NTRK2: variants seen among roughly 807,000 people sequenced by gnomAD.
NTRK2 encodes the protein BDNF/NT-3 growth factors receptor.
NTRK2 carries 13 observed loss-of-function variants against 94.5 expected under a neutral mutation model. The ratio of observed to expected loss-of-function variants is 0.14; its 90% CI spans 0.09 to 0.22. The LOEUF is 0.22. Among genes scored for constraint, NTRK2 ranks in the 10% least tolerant of loss-of-function variants. The pLI is 1.00. For synonymous variants in NTRK2, 372 were observed against 407.4 expected (o/e 0.91, Z 1.05); for missense variants, 639 against 1,071.2 (o/e 0.60, Z 5.63).
intron 12 of NTRK2, among the ~76,000 whole-genome samples, chr9:84,823,593 G>A (rs528528266): frequency 1.9e-4 from 29 of 152,350 alleles, no homozygotes; most frequent in African/African-American, 6.3e-4. Context: ...TCAGTAGCTG[G>A]GGTGGAGGAG....
chr9:84,797,744 A>ATATATATTATATATACTATAATATATAT (rs2069685429), intron 12 of NTRK2, among the ~76,000 whole-genome samples: 5 of 11,216 alleles, frequency 4.5e-4, no homozygotes, highest in African/African-American at 1.3e-3. Context: ...ATATACTATA[A>ATATATATTATATATACTATAATATATAT]TATATATTAT....
At chr9:84,982,749 C>T (rs1007857173) in intron 17 of NTRK2, among the ~76,000 whole-genome samples, 1 of 152,174 alleles carries the variant, frequency 6.6e-6, no homozygotes, top group African/African-American at 2.4e-5. Flanking sequence ...AACTGTTTGA[C>T]GTTCACCTGA....
At chr9:84,973,367 C>T (rs1458653060) in intron 17 of NTRK2, among the ~76,000 whole-genome samples, 1 of 152,196 alleles carries the variant, frequency 6.6e-6, no homozygotes, top group African/African-American at 2.4e-5. Context: ...CAAGGACACA[C>T]TTGGCCATAA....
rs568063676 is a variant in NTRK2, at chr9:84,877,215, G to A, written c.1633+9784G>A. ...ATTTGAGTCTAATGGCTGATTCATC[G>A]GCATAGTTCTTGGCGTTAACATCTC... On this transcript the variant is annotated intron_variant, in intron 14 of 18. Coordinates refer to ENST00000277120, the MANE Select transcript of NTRK2 (RefSeq NM_006180.6). 25 of 1,065,130 alleles carry A rather than the reference G, an allele frequency of 2.3e-5. 1 individual carries two copies. The highest frequency in any genetic ancestry group is 1.6e-4 in the Admixed American group (3 of 18,716). The allele number at this position is 1,065,130 out of a possible 1,614,324, so 66.0% of individuals were successfully genotyped here. A position where few individuals can be genotyped will look rare whatever the true frequency, so the allele number is the denominator to read the frequency against.
At chr9:84,896,774 T>G (rs1209784760) in intron 14 of NTRK2, among the ~76,000 whole-genome samples, 2 of 152,302 alleles carry the variant, frequency 1.3e-5, no homozygotes, top group Non-Finnish European at 2.9e-5. Flanking sequence ...TCAGGACATC[T>G]CCACAAAATG....
intron 12 of NTRK2, among the ~76,000 whole-genome samples, 154 bp from the exon 13 acceptor site, chr9:84,860,886 G>A (rs2075302472): frequency 7.2e-6 from 1 of 139,266 alleles, no homozygotes; most frequent in South Asian, 2.5e-4. Context: ...CATCCCAAGT[G>A]GTTTGTTTAT....
At chr9:84,934,062 C>T (rs2132714890) in intron 14 of NTRK2, 100 bp from the exon 15 acceptor site, 1 of 1,326,050 alleles carries the variant, frequency 7.5e-7, no homozygotes, top group South Asian at 1.2e-5. Context: ...AGGAGAGACT[C>T]TTGGGCCTGG....
chr9:84,714,939 A>G (rs142812461), intron 6 of NTRK2, among the ~76,000 whole-genome samples: 2 of 152,282 alleles, frequency 1.3e-5, no homozygotes, highest in East Asian at 3.9e-4. Context: ...TTAGTTTGCA[A>G]TTGGTACTAT....
intron 14 of NTRK2, chr9:84,876,103 A>T: frequency 4.8e-6 from 5 of 1,035,900 alleles, no homozygotes; most frequent in Non-Finnish European, 5.8e-6. Flanking sequence ...CACATTTTTT[A>T]ACCATGCCAT....
At chr9:84,734,672 G>T (rs899718261) in intron 9 of NTRK2, among the ~76,000 whole-genome samples, 10 of 152,126 alleles carry the variant, frequency 6.6e-5, no homozygotes, top group African/African-American at 2.4e-4. Flanking sequence ...TTGATGAAAG[G>T]AAGTTCCCCT....
At chr9:84,915,849 G>T (rs1434035783) in intron 14 of NTRK2, among the ~76,000 whole-genome samples, 3 of 152,104 alleles carry the variant, frequency 2.0e-5, no homozygotes. Context: ...AAGAACACTT[G>T]CTATATATGT....
intron 11 of NTRK2, 66 bp from the exon 12 acceptor site, chr9:84,751,919 AT>A (rs2064656988): frequency 8.4e-7 from 1 of 1,189,764 alleles, no homozygotes; most frequent in African/African-American, 1.5e-5. Flanking sequence ...CGTCATGATC[AT>A]CATCACCATA....
intron 2 of NTRK2, among the ~76,000 whole-genome samples, chr9:84,687,383 A>G (rs2059782526): frequency 6.6e-6 from 1 of 152,126 alleles, no homozygotes; most frequent in South Asian, 2.1e-4. Flanking sequence ...CATTAGACCT[A>G]TTTTTGTTTG....
At chr9:84,833,988 T>C (rs1037288150) in intron 12 of NTRK2, among the ~76,000 whole-genome samples, 1 of 152,174 alleles carries the variant, frequency 6.6e-6, no homozygotes, top group Admixed American at 6.5e-5. Flanking sequence ...TCTTAGTTCA[T>C]TTGACTTTCA....
chr9:84,950,322 A>G (rs1164662935), intron 16 of NTRK2, among the ~76,000 whole-genome samples: 1 of 152,218 alleles, frequency 6.6e-6, no homozygotes, highest in Admixed American at 6.5e-5. Flanking sequence ...TGCATCTAGC[A>G]AGGGAGGGAA....
intron 17 of NTRK2, among the ~76,000 whole-genome samples, chr9:84,965,888 A>C (rs1825496995): frequency 6.6e-6 from 1 of 152,218 alleles, no homozygotes; most frequent in Non-Finnish European, 1.5e-5. Context: ...ATTTCTACCT[A>C]GTCTATATGT....
intron 12 of NTRK2, among the ~76,000 whole-genome samples, chr9:84,752,992 TA>T (rs1164738941): frequency 2.0e-5 from 3 of 152,212 alleles, no homozygotes; most frequent in African/African-American, 7.2e-5. Flanking sequence ...ATGTTGCTAA[TA>T]TTGCTATTTA....
intron 14 of NTRK2, among the ~76,000 whole-genome samples, chr9:84,901,510 G>A (rs1413487436): frequency 6.6e-6 from 1 of 152,070 alleles, no homozygotes; most frequent in Non-Finnish European, 1.5e-5. Flanking sequence ...GGGATTACAG[G>A]TGTTAGCCAC....
intron 12 of NTRK2, among the ~76,000 whole-genome samples, chr9:84,826,342 T>A (rs543812523): frequency 7.8e-4 from 119 of 152,298 alleles, no homozygotes; most frequent in African/African-American, 2.6e-3. Context: ...TCTCCCTGAG[T>A]CTCTGTGTCC....
Sources: gnomAD v4.1 joint callset for allele counts (sites outside exome capture counted in the v4.1 genomes callset) on GRCh38, gnomAD v4.1.1 for gene constraint, MANE v1.5 for transcripts, NCBI Gene and HGNC (gene_info 2026-07-23, HGNC 2026-07-21) for gene names.